Variants in ROBO1 observed in about 807,000 individuals in gnomAD.
ROBO1 encodes the protein roundabout guidance receptor 1.
Under a neutral mutation model 195.9 loss-of-function variants are expected in ROBO1, and 149 were observed. The observed-to-expected ratio is 0.76, with a 90% CI of 0.67 to 0.87. The LOEUF (loss-of-function observed/expected upper bound fraction) is 0.87, where lower values mean the gene tolerates loss of function less well. Ranked by LOEUF, ROBO1 falls within the 40% of genes least tolerant of loss-of-function variation. The pLI is 0.00. For missense variants in ROBO1, 1,933 were observed against 2,068.3 expected (o/e 0.93, Z 1.27); for synonymous variants, 816 against 733.2 (o/e 1.11, Z -1.82).
At chr3:79,698,646 T>C (rs1288983119) in intron 1 of ROBO1, among the ~76,000 whole-genome samples, 4 of 151,670 alleles carry the variant, frequency 2.6e-5, no homozygotes, top group African/African-American at 9.7e-5. Flanking sequence ...GAGGCAGATT[T>C]GTAGCTAAAC....
rs536509027 is a variant in ROBO1 at position 79,717,332 on chromosome 3, C to A, written c.-51+50420G>T. ...ACTTAAATTGGTAAGCTGAATCTTC[C>A]AAAAGGCACTGAGAGAACATACACT... On this transcript the variant is annotated intron_variant, in intron 1 of 30. Transcript: ENST00000464233. Among the ~76,000 whole-genome samples, 47 of 151,908 alleles carry A rather than the reference C, an allele frequency of 3.1e-4. 2 individuals are homozygous for A. The highest frequency in any genetic ancestry group is 2.0e-3 in the Admixed American group (31 of 15,242).
At chr3:79,107,203 G>A (rs2079800401) in intron 3 of ROBO1, among the ~76,000 whole-genome samples, 1 of 149,932 alleles carries the variant, frequency 6.7e-6, no homozygotes, top group Admixed American at 6.7e-5. Context: ...ATGAGTTAAA[G>A]TTTAAAGAAA....
At chr3:79,568,044 C>T (rs902628411) in intron 2 of ROBO1, among the ~76,000 whole-genome samples, 5 of 151,982 alleles carry the variant, frequency 3.3e-5, no homozygotes, top group African/African-American at 4.8e-5. Context: ...AAGTTGGTGC[C>T]GTGAATGTAA....
intron 3 of ROBO1, among the ~76,000 whole-genome samples, chr3:79,114,970 T>C (rs2079964378): frequency 1.3e-5 from 2 of 152,194 alleles, no homozygotes; most frequent in Admixed American, 6.6e-5. Flanking sequence ...TGTAGAGTCA[T>C]AGCATAGACC....
intron 2 of ROBO1, among the ~76,000 whole-genome samples, chr3:79,528,827 C>A (rs1941538415): frequency 6.6e-6 from 1 of 152,146 alleles, no homozygotes. Flanking sequence ...ATTCCTCAAC[C>A]ACAGAAATTT....
chr3:79,505,529 G>A (rs1400711482), intron 2 of ROBO1, among the ~76,000 whole-genome samples: 1 of 152,170 alleles, frequency 6.6e-6, no homozygotes, highest in African/African-American at 2.4e-5. Flanking sequence ...CATGCTGAGA[G>A]AGAAGAAGAG....
chr3:79,243,116 G>A (rs2082553501), intron 2 of ROBO1, among the ~76,000 whole-genome samples: 1 of 151,632 alleles, frequency 6.6e-6, no homozygotes, highest in East Asian at 1.9e-4. Flanking sequence ...AGTTTGCTGA[G>A]AATGATGGTT....
At chr3:79,279,923 G>T (rs751467548) in intron 2 of ROBO1, among the ~76,000 whole-genome samples, 12 of 152,190 alleles carry the variant, frequency 7.9e-5, no homozygotes, top group Non-Finnish European at 1.6e-4. Context: ...GCCATGAAAA[G>T]AATGAAATAA....
intron 4 of ROBO1, among the ~76,000 whole-genome samples, chr3:78,871,142 G>A (rs2035518656): frequency 6.6e-6 from 1 of 152,122 alleles, no homozygotes; most frequent in Admixed American, 6.6e-5. Context: ...CCTTCTGAAA[G>A]AAAGCAAACC....
chr3:79,527,247 A>C (rs2107599337), intron 2 of ROBO1, among the ~76,000 whole-genome samples: 1 of 152,258 alleles, frequency 6.6e-6, no homozygotes, highest in Non-Finnish European at 1.5e-5. Context: ...ACTTTTCAAA[A>C]AAATTTTGGA....
chr3:78,599,828 T>C (rs1703062661), intron 30 of ROBO1, among the ~76,000 whole-genome samples: 1 of 152,248 alleles, frequency 6.6e-6, no homozygotes. Flanking sequence ...TCAACAGCTC[T>C]TACTTCTTAA....
intron 3 of ROBO1, among the ~76,000 whole-genome samples, chr3:79,017,490 TGTG>T (rs1407115371): frequency 6.6e-6 from 1 of 151,422 alleles, no homozygotes; most frequent in Admixed American, 6.6e-5. Context: ...TGTGTGTGTG[TGTG>T]TTTTAAAGCC....
chr3:78,644,162 C>A (rs985892295), intron 21 of ROBO1, among the ~76,000 whole-genome samples: 1 of 152,022 alleles, frequency 6.6e-6, no homozygotes, highest in Non-Finnish European at 1.5e-5. Context: ...CACACACATC[C>A]GTAAGTGGCT....
intron 3 of ROBO1, among the ~76,000 whole-genome samples, chr3:79,122,655 T>A (rs2108564989): frequency 6.6e-6 from 1 of 152,092 alleles, no homozygotes; most frequent in East Asian, 1.9e-4. Flanking sequence ...AGTTTGATAG[T>A]GATGCTCCCA....
At chr3:78,608,684 T>C (rs189952931) in intron 28 of ROBO1, among the ~76,000 whole-genome samples, 14 of 152,230 alleles carry the variant, frequency 9.2e-5, no homozygotes, top group Middle Eastern at 3.4e-3. Context: ...TAATTAATGA[T>C]AGGTGATAAA....
At chr3:79,284,117 G>A (rs2031731219) in intron 2 of ROBO1, among the ~76,000 whole-genome samples, 2 of 151,592 alleles carry the variant, frequency 1.3e-5, no homozygotes, top group Admixed American at 6.6e-5. Context: ...TATATATGAT[G>A]GTCATATCAG....
chr3:78,682,230 T>C (rs920886261), intron 10 of ROBO1, among the ~76,000 whole-genome samples: 2 of 151,758 alleles, frequency 1.3e-5, no homozygotes, highest in African/African-American at 4.8e-5. Context: ...ACAGGCAATG[T>C]AGGACAAGTA....
At chr3:78,960,003 G>A (rs2041255512) in intron 3 of ROBO1, among the ~76,000 whole-genome samples, 2 of 152,018 alleles carry the variant, frequency 1.3e-5, no homozygotes, top group Admixed American at 1.3e-4. Flanking sequence ...TATTTCTGCA[G>A]CAAAAATTGT....
At chr3:78,896,962 A>T (rs1358271154) in intron 4 of ROBO1, among the ~76,000 whole-genome samples, 1 of 152,222 alleles carries the variant, frequency 6.6e-6, no homozygotes, top group Non-Finnish European at 1.5e-5. Flanking sequence ...CAACGGAGGC[A>T]GGATAGCAAG....
Sources: gnomAD v4.1 joint callset for allele counts (sites outside exome capture counted in the v4.1 genomes callset) on GRCh38, gnomAD v4.1.1 for gene constraint, MANE v1.5 for transcripts, NCBI Gene and HGNC (gene_info 2026-07-23, HGNC 2026-07-21) for gene names.